Variants in PRMT8 observed in about 807,000 individuals in gnomAD.
PRMT8 encodes protein arginine N-methyltransferase 8.
Under a neutral mutation model 47.1 loss-of-function variants are expected in PRMT8, and 7 were observed. The ratio of observed to expected loss-of-function variants is 0.15; its 90% CI spans 0.08 to 0.28. The LOEUF (loss-of-function observed/expected upper bound fraction) is 0.28, where lower values mean the gene tolerates loss of function less well. PRMT8 is among the 10% of genes least tolerant of loss of function. The pLI, the probability that PRMT8 is intolerant of heterozygous loss-of-function variation, is 1.00. For missense variants in PRMT8, 237 were observed against 505.4 expected (o/e 0.47, Z 5.09); for synonymous variants, 188 against 186.5 (o/e 1.01, Z -0.07).
intron 8 of PRMT8, among the ~76,000 whole-genome samples, chr12:3,587,010 G>A (rs897559223): frequency 1.3e-5 from 2 of 152,200 alleles, no homozygotes. Flanking sequence ...ATGTGGGTTA[G>A]CAGTGGGGTA....
chr12:3,576,394 G>A lies in PRMT8; in HGVS notation c.713-477G>A, dbSNP rs903897500. On this transcript the variant is annotated intron_variant, in intron 6 of 9. Coordinates refer to ENST00000382622, the MANE Select transcript of PRMT8 (RefSeq NM_019854.5). This position sits in a 1 kb window ranked among gnomAD's most constrained non-coding sequence, Gnocchi z 4.0. Reference sequence around the variant, plus strand: ...CATGATTCTCTGTGCTGCATTAAAGGTTCAGTGGATGGGGACAGGAAAAGG... The same window carrying A: ...CATGATTCTCTGTGCTGCATTAAAGATTCAGTGGATGGGGACAGGAAAAGG... Among the ~76,000 whole-genome samples the A allele has an allele frequency of 6.6e-6, 1 of 152,218 alleles. No homozygotes were observed. Among genetic ancestry groups the A allele is most frequent in the Non-Finnish European group, 1.5e-5 (1 of 68,042 alleles).
At chr12:3,445,911 T>A (rs1452705798) in intron 1 of PRMT8, among the ~76,000 whole-genome samples, 1 of 152,148 alleles carries the variant, frequency 6.6e-6, no homozygotes, top group Non-Finnish European at 1.5e-5. Flanking sequence ...AGAGCCGTCC[T>A]GAGCCACCTA....
At chr12:3,403,153 T>C (rs1409818449) in intron 1 of PRMT8, among the ~76,000 whole-genome samples, 6 of 152,124 alleles carry the variant, frequency 3.9e-5, no homozygotes, top group African/African-American at 1.4e-4. Flanking sequence ...AGAATTGAGA[T>C]CTTGTCCTTT....
intron 4 of PRMT8, among the ~76,000 whole-genome samples, chr12:3,565,845 G>C (rs1866710787): frequency 6.6e-6 from 1 of 152,158 alleles, no homozygotes; most frequent in Non-Finnish European, 1.5e-5. Context: ...CTGTTTGTTA[G>C]ACTTGATGAT....
At chr12:3,529,352 C>G (rs55820850) in intron 1 of PRMT8, among the ~76,000 whole-genome samples, 18,754 of 152,042 alleles carry the variant, frequency 0.12, 1,408 homozygotes, top group East Asian at 0.27. Flanking sequence ...TATCTCAAAA[C>G]CTATTATTTC....
intron 4 of PRMT8, among the ~76,000 whole-genome samples, chr12:3,554,898 C>T (rs980728519): frequency 2.0e-5 from 3 of 152,174 alleles, no homozygotes; most frequent in Admixed American, 6.5e-5. Context: ...TAGAGGGTGC[C>T]TGCTGCCCTG....
intron 1 of PRMT8, among the ~76,000 whole-genome samples, chr12:3,435,982 G>T (rs1472004818): frequency 6.6e-6 from 1 of 152,182 alleles, no homozygotes; most frequent in Non-Finnish European, 1.5e-5. Context: ...GAGGCTTGAT[G>T]TCCAATTTAT....
rs1233246748 is a variant in PRMT8 at position 3,453,631 on chromosome 12, G to C, written c.48+72189G>C. Among the ~76,000 whole-genome samples the C allele has an allele frequency of 6.6e-6, 1 of 152,176 alleles. No homozygotes were observed. Among genetic ancestry groups the C allele is most frequent in the African/African-American group, 2.4e-5 (1 of 41,440 alleles). ...TCAGGAACTGGTGAGCGCGGTCAGG[G>C]GACACCCTTAGGAGAGGAGCTTGCC... On this transcript the variant is annotated intron_variant, in intron 1 of 9. Coordinates refer to the PRMT8 transcript ENST00000452611. The surrounding 1 kb of genome is among the most constrained non-coding windows in gnomAD (Gnocchi z 4.9).
exon 1 of PRMT8, chr12:3,381,424 G>A: frequency 2.0e-6 from 3 of 1,536,134 alleles, no homozygotes; most frequent in Non-Finnish European, 2.6e-6. Context: ...ATGGATTCAA[G>A]CTGAAAGAGG....
intron 1 of PRMT8, among the ~76,000 whole-genome samples, chr12:3,446,110 C>T (rs759890747): frequency 6.6e-6 from 1 of 152,162 alleles, no homozygotes; most frequent in Admixed American, 6.5e-5. Context: ...ATGCACTGCC[C>T]TCCTTGGCCC....
At chr12:3,581,322 C>T (rs1465952490) in intron 7 of PRMT8, among the ~76,000 whole-genome samples, 1 of 152,160 alleles carries the variant, frequency 6.6e-6, no homozygotes, top group Non-Finnish European at 1.5e-5. Flanking sequence ...TTGGAACACA[C>T]ATTTGGCTTC....
At chr12:3,559,874 A>G (rs1006501604) in intron 4 of PRMT8, among the ~76,000 whole-genome samples, 2 of 152,082 alleles carry the variant, frequency 1.3e-5, no homozygotes, top group South Asian at 2.1e-4. Flanking sequence ...GCCCCACCTC[A>G]TGGCTTTAGC....
In PRMT8 at chr12:3,593,630, G is replaced by C; in HGVS notation, c.*448G>C. The C allele has an allele frequency of 4.8e-6, 1 of 206,492 alleles. No individual in the cohort carries two copies. The highest frequency in any genetic ancestry group is 9.7e-6 in the Non-Finnish European group (1 of 103,380). 12.8% of individuals were successfully genotyped at this position (206,492 alleles called of 1,614,324 possible). A position where few individuals can be genotyped will look rare whatever the true frequency, so the allele number is the denominator to read the frequency against. On this transcript the variant is annotated 3_prime_UTR_variant, in exon 10 of 10. Coordinates refer to ENST00000382622, the MANE Select transcript of PRMT8 (RefSeq NM_019854.5). The surrounding 1 kb of genome is among the most constrained non-coding windows in gnomAD (Gnocchi z 4.8). ...TGCGGTGGTGTGCGTGTGCGTGCAT[G>C]TGTGAATGTGAGCAGCATAGTTGAT... is the stretch of plus-strand genomic sequence containing the variant.
rs1296749780 is a variant in PRMT8, at chr12:3,409,857, G to A, written c.48+28415G>A. Reference sequence around the variant, plus strand: ...GCCTCATCAGCTTCAGCACCAGGGGGTGTGATTGTTCTGGGTAGCCAAGTC... The same window carrying A: ...GCCTCATCAGCTTCAGCACCAGGGGATGTGATTGTTCTGGGTAGCCAAGTC... On this transcript the variant is annotated intron_variant, in intron 1 of 9. Transcript: ENST00000452611. This position sits in a 1 kb window ranked among gnomAD's most constrained non-coding sequence, Gnocchi z 4.4. 6.6e-6 allele frequency among the ~76,000 whole-genome samples: 1 copy of A among 152,140 alleles called. No individual in the cohort carries two copies. The highest frequency in any genetic ancestry group is 2.4e-5 in the African/African-American group (1 of 41,426).
At chr12:3,581,343 G>GGAAGTTACAGAGGGATGAGTGT (rs1257989039) in intron 7 of PRMT8, among the ~76,000 whole-genome samples, 1 of 152,288 alleles carries the variant, frequency 6.6e-6, no homozygotes, top group Middle Eastern at 3.4e-3. Flanking sequence ...TTCTGTGGGT[G>GGAAGTTACAGAGGGATGAGTGT]GAAGTTACAG....
At chr12:3,591,305 T>C (rs2137239473) in intron 8 of PRMT8, among the ~76,000 whole-genome samples, 1 of 152,226 alleles carries the variant, frequency 6.6e-6, no homozygotes, top group African/African-American at 2.4e-5. Flanking sequence ...CCCTCATTTC[T>C]TTCTGATCTG....
At chr12:3,395,971 CTTCT>C (rs1483572844) in intron 1 of PRMT8, among the ~76,000 whole-genome samples, 9 of 151,252 alleles carry the variant, frequency 6.0e-5, no homozygotes, top group African/African-American at 1.7e-4. Context: ...ATGTAATGGC[CTTCT>C]TTGTCTCTTT....
In PRMT8 at chr12:3,493,599, G is replaced by GGCT. The variant is rs1268180680; in HGVS notation, c.75+1905_75+1907dup. 3.3e-5 allele frequency among the ~76,000 whole-genome samples: 5 copies of GGCT among 152,232 alleles called. No homozygotes were observed. The East Asian group carries it at 7.7e-4, about 24-fold the overall frequency. On this transcript the variant is annotated intron_variant, in intron 1 of 9. Coordinates refer to ENST00000382622, the MANE Select transcript of PRMT8 (RefSeq NM_019854.5). This position sits in a 1 kb window ranked among gnomAD's most constrained non-coding sequence, Gnocchi z 8.2. Reference sequence around the variant, plus strand: ...GCCAGGTTCCGCAGTGTGCAGCGGCGGCTGCTGCGCTCTCCCAGCCTCGGC... The same window carrying GGCT: ...GCCAGGTTCCGCAGTGTGCAGCGGCGGCTGCTGCTGCGCTCTCCCAGCCTCGGC...
intron 1 of PRMT8, among the ~76,000 whole-genome samples, chr12:3,421,951 C>T (rs1380946790): frequency 6.6e-6 from 1 of 152,190 alleles, no homozygotes; most frequent in Admixed American, 6.5e-5. Flanking sequence ...GGCTCCAGCT[C>T]TGGGCAGCAT....
Sources: allele counts gnomAD v4.1 joint callset (sites outside exome capture counted in the v4.1 genomes callset), GRCh38; gene constraint gnomAD v4.1.1; non-coding constraint Gnocchi (gnomAD v3.1); transcripts MANE v1.5; gene names NCBI Gene and HGNC (gene_info 2026-07-23, HGNC 2026-07-21).